APOL1: variants seen among roughly 807,000 people sequenced by gnomAD.
The protein encoded by APOL1 is apolipoprotein L 1.
In APOL1, 17 loss-of-function variants were observed where a neutral mutation model predicts 14.9. The observed-to-expected ratio is 1.14, with a 90% confidence interval of 0.78 to 1.71. APOL1 has a LOEUF of 1.71. Among genes scored for constraint, APOL1 ranks in the 40% most tolerant of loss-of-function variants. The probability of loss-of-function intolerance (pLI) is 0.00; values close to 1 mark genes in which losing one functional copy is unlikely to be tolerated. For synonymous variants in APOL1, 195 were observed against 184.8 expected (o/e 1.05, Z -0.45); for missense variants, 523 against 485.9 (o/e 1.08, Z -0.72).
At position 36,265,559 on chromosome 22, in the gene APOL1, C is replaced by A. The variant is rs778796242; in HGVS notation, c.723C>A (p.His241Gln). 6.2e-7 allele frequency: 1 copy of A among 1,602,518 alleles called. No individual in the cohort carries two copies. The highest frequency in any genetic ancestry group is 8.5e-7 in the Non-Finnish European group (1 of 1,174,238). The change falls in exon 6 of 6, where the codon CAC becomes CAA. Residue 241 changes from histidine (H) to glutamine (Q), a missense_variant. Coordinates refer to ENST00000397278, the MANE Select transcript of APOL1 (RefSeq NM_003661.4). ...GKKWWTQAQA[H>Q]DLVIKSLDKL... ...AGTGGTGGACACAAGCCCAAGCCCA[C>A]GACCTGGTCATCAAAAGCCTTGACA...
chr22:36,258,573 G>A (rs1471949655), intron 4 of APOL1, among the ~76,000 whole-genome samples: 2 of 152,158 alleles, frequency 1.3e-5, no homozygotes, highest in Non-Finnish European at 2.9e-5. Context: ...ATGCTGAAGA[G>A]AGAAAAAAGT....
chr22:36,266,074 G>T lies in APOL1; in HGVS notation c.*41G>T, dbSNP rs1440018379. ...GCCACCAGGAGAGATATGCCTGGCA[G>T]GGGCCAGGACAAAATGCAAACTTTT... On this transcript the variant is annotated 3_prime_UTR_variant, in exon 6 of 6. Coordinates refer to ENST00000397278, the MANE Select transcript of APOL1 (RefSeq NM_003661.4). 3 of 1,541,978 alleles carry T rather than the reference G, an allele frequency of 1.9e-6. No individual in the cohort carries two copies. The highest frequency in any genetic ancestry group is 4.3e-5 in the Admixed American group (2 of 46,514).
rs60910145 is a variant in APOL1, at chr22:36,265,988, T to G, written c.1152T>G (p.Ile384Met). 0.011 allele frequency: 18,029 copies of G among 1,612,334 alleles called. 2,103 individuals carry two copies. In the African/African-American group the frequency reaches 0.23, roughly 20 times the overall value. ...AGGAGCTGGAGGAGAAGCTAAACATTCTCAACAATAATTATAAGATTCTGC... is the reference window on the plus strand; with the variant it reads ...AGGAGCTGGAGGAGAAGCTAAACATGCTCAACAATAATTATAAGATTCTGC... ...VAQELEEKLN[I>M]LNNNYKILQA... Residue 384 changes from isoleucine (I) to methionine (M), a missense_variant, in exon 6 of 6, where the codon ATT becomes ATG. Physicochemically the swap from Ile to Met is conservative, Grantham distance 10. Coordinates refer to ENST00000397278, the MANE Select transcript of APOL1 (RefSeq NM_003661.4).
At chr22:36,259,803 T>A (rs1284683853) in intron 4 of APOL1, 1 of 1,304,090 alleles carries the variant, frequency 7.7e-7, no homozygotes, top group Non-Finnish European at 1.0e-6. Context: ...AAGAACCCCC[T>A]CCACTGCCCA....
rs2016245825 is a variant in APOL1, at chr22:36,265,960, C to T, written c.1124C>T (p.Ala375Val). ...ACAGCTGAGGAGCTGAAGAAGGTGG[C>T]TCAGGAGCTGGAGGAGAAGCTAAAC... The part of the protein sequence containing the change: ...SETAEELKKV[A>V]QELEEKLNIL... The change falls in exon 6 of 6, where the codon GCT becomes GTT. Residue 375 changes from alanine (A) to valine (V), a missense_variant. Transcript: ENST00000397278. The T allele has an allele frequency of 6.2e-7, 1 of 1,613,902 alleles. No homozygotes were observed. Among genetic ancestry groups the T allele is most frequent in the Non-Finnish European group, 8.5e-7 (1 of 1,180,018 alleles).
At chr22:36,261,495 A>C in intron 4 of APOL1, 101 bp from the exon 5 acceptor site, 2 of 1,313,174 alleles carry the variant, frequency 1.5e-6, no homozygotes, top group Non-Finnish European at 1.1e-6. Context: ...GTCCCACATC[A>C]CAGCTGTCCA....
At position 36,265,172 on chromosome 22, in the gene APOL1, T is replaced by C. The variant is rs1304075540; in HGVS notation, c.336T>C (p.Arg112=). The change falls in exon 6 of 6, where the codon CGT becomes CGC. Residue 112 remains arginine (R), a synonymous_variant. Transcript: ENST00000397278. ...GCAGGAATGAGGCAGATGAGCTCCG[T>C]AAAGCTCTGGACAACCTTGCAAGAC... is the stretch of plus-strand genomic sequence containing the variant. ...ELPRNEADEL[R]KALDNLARQM... is the part of the protein sequence containing the mutation. 1.2e-6 allele frequency: 2 copies of C among 1,614,140 alleles called. No individual in the cohort carries two copies. Among genetic ancestry groups the C allele is most frequent in the Middle Eastern group, 1.6e-4 (1 of 6,062 alleles).
At chr22:36,259,736 G>A (rs1449614951) in intron 4 of APOL1, 1 of 1,304,248 alleles carries the variant, frequency 7.7e-7, no homozygotes. Flanking sequence ...GAGGACAGAG[G>A]CAACATGGAG....
At chr22:36,253,993 T>C (rs2015774548) in intron 1 of APOL1, 1 of 1,614,034 alleles carries the variant, frequency 6.2e-7, no homozygotes, top group African/African-American at 1.3e-5. Flanking sequence ...TGTGGAATTG[T>C]GAGTATAACT....
chr22:36,265,290 G>A lies in APOL1; in HGVS notation c.454G>A (p.Glu152Lys). 6.2e-7 allele frequency: 1 copy of A among 1,613,944 alleles called. No homozygotes were observed. Among genetic ancestry groups the A allele is most frequent in the Admixed American group, 1.7e-5 (1 of 59,970 alleles). ...GTTTCCTCGGTTGAAAAGTGAGCTT[G>A]AGGATAACATAAGAAGGCTCCGTGC... is the stretch of plus-strand genomic sequence containing the variant. Reference protein sequence around the residue: ...KEFPRLKSELEDNIRRLRALA... With the variant: ...KEFPRLKSELKDNIRRLRALA... The change falls in exon 6 of 6, where the codon GAG becomes AAG. Residue 152 changes from glutamate (E) to lysine (K), a missense_variant. Glu to Lys is a moderately conservative substitution (Grantham distance 56). Coordinates refer to ENST00000397278, the MANE Select transcript of APOL1 (RefSeq NM_003661.4).
chr22:36,263,881 T>C (rs1051162007), intron 5 of APOL1, among the ~76,000 whole-genome samples: 1 of 152,066 alleles, frequency 6.6e-6, no homozygotes, highest in Non-Finnish European at 1.5e-5. Flanking sequence ...TCCTGCTAAA[T>C]TGGCCTAACA....
Position 36,260,117 on chromosome 22 carries a change from C to T in APOL1, c.188-1479C>T, listed in dbSNP as rs1031456218. Among the ~76,000 whole-genome samples the T allele has an allele frequency of 6.6e-5, 10 of 152,242 alleles. No homozygotes were observed. In the South Asian group the frequency reaches 1.0e-3, roughly 16 times the overall value. The stretch of plus-strand genomic sequence containing the variant: ...ATCTGTGAATTAAGAATGAGGTGGC[C>T]GGGCACTGTGGCTCACGCCTGTAAT... On this transcript the variant is annotated intron_variant, in intron 4 of 5. Transcript: ENST00000397278.
intron 4 of APOL1, among the ~76,000 whole-genome samples, chr22:36,261,268 T>C (rs147943481): frequency 2.2e-4 from 34 of 152,354 alleles, no homozygotes; most frequent in African/African-American, 7.9e-4. Flanking sequence ...GCCTTTGCAC[T>C]GTGTGCTCAC....
chr22:36,257,393 G>A lies in APOL1; in HGVS notation c.173G>A (p.Gly58Asp), dbSNP rs759271800. The change falls in exon 4 of 6, where the codon GGC becomes GAC. Residue 58 changes from glycine (G) to aspartate (D), a missense_variant. By Grantham distance (94) the Gly-to-Asp change is moderately conservative. Transcript: ENST00000397278. Reference protein sequence around the residue: ...QSKPLGDWAAGTMDPESSIFI... With the variant: ...QSKPLGDWAADTMDPESSIFI... ...AAGCCCCTCGGTGACTGGGCTGCTG[G>A]CACCATGGACCCAGGTAGGCTCACC... 9.3e-6 allele frequency: 15 copies of A among 1,613,890 alleles called. No individual in the cohort carries two copies. Among genetic ancestry groups the A allele is most frequent in the Admixed American group, 6.7e-5 (4 of 59,986 alleles).
chr22:36,259,545 G>C (rs2016007610), intron 4 of APOL1: 1 of 1,188,828 alleles, frequency 8.4e-7, no homozygotes, highest in African/African-American at 1.6e-5. Context: ...AAGACGAGGG[G>C]AGGGCAGGGA....
chr22:36,255,953 T>C (rs1324692144), intron 2 of APOL1, among the ~76,000 whole-genome samples: 2 of 152,164 alleles, frequency 1.3e-5, no homozygotes, highest in Admixed American at 1.3e-4. Flanking sequence ...ATGTCTTCCA[T>C]TAGCAACTTT....
At chr22:36,253,833 T>C in intron 1 of APOL1, 3 of 1,166,148 alleles carry the variant, frequency 2.6e-6, no homozygotes, top group Non-Finnish European at 3.8e-6. Context: ...TGTCCCTCTG[T>C]TCAGACTTCT....
chr22:36,254,037 G>A, intron 1 of APOL1: 1 of 1,608,956 alleles, frequency 6.2e-7, no homozygotes, highest in Non-Finnish European at 8.5e-7. Context: ...TGTGTTCATA[G>A]AAGGAGAATC....
chr22:36,256,327 G>C (rs993174023), intron 2 of APOL1, among the ~76,000 whole-genome samples: 2 of 152,200 alleles, frequency 1.3e-5, no homozygotes, highest in African/African-American at 2.4e-5. Context: ...GTTGTTGATA[G>C]CCTCTGACCT....
Sources: allele counts gnomAD v4.1 joint callset (sites outside exome capture counted in the v4.1 genomes callset), GRCh38; gene constraint gnomAD v4.1.1; transcripts MANE v1.5; gene names NCBI Gene and HGNC (gene_info 2026-07-23, HGNC 2026-07-21).